TOP2B: variants seen among roughly 807,000 people sequenced by gnomAD.
The protein encoded by TOP2B is DNA topoisomerase II beta, also known as DNA topoisomerase 2-beta.
A neutral mutation model predicts 193.5 loss-of-function variants in TOP2B; 51 were observed. The ratio of observed to expected loss-of-function variants is 0.26; its 90% CI spans 0.21 to 0.33. The LOEUF (loss-of-function observed/expected upper bound fraction) is 0.33, where lower values mean the gene tolerates loss of function less well. Among genes scored for constraint, TOP2B ranks in the 10% least tolerant of loss-of-function variants. The pLI is 1.00. For synonymous variants in TOP2B, 634 were observed against 635.7 expected, an observed-to-expected ratio of 1.00 and a Z score of 0.04; for missense variants, 1,378 against 1,909.3, an observed-to-expected ratio of 0.72 and a Z score of 5.19.
rs1467517835 is a variant in TOP2B at position 25,623,521 on chromosome 3, A to T, written c.2721T>A (p.His907Gln). Reference sequence around the variant, plus strand: ...ATAAGTTCCAAATAATTACCATGGGATGAGGATCCAGGCCATCTAGCATTC... The same window carrying T: ...ATAAGTTCCAAATAATTACCATGGGTTGAGGATCCAGGCCATCTAGCATTC... ...VRRMLDGLDP[H>Q]PMLPNYKNFK... The change falls in exon 21 of 36, where the codon CAT (histidine) becomes CAA (glutamine). Residue 907 changes from histidine to glutamine, a missense_variant. Physicochemically the swap from His to Gln is conservative, Grantham distance 24. Coordinates refer to ENST00000264331, the MANE Select transcript of TOP2B (RefSeq NM_001330700.2). 6.2e-7 allele frequency: 1 copy of T among 1,613,094 alleles called. No homozygotes were observed. Among genetic ancestry groups the T allele is most frequent in the Non-Finnish European group, 8.5e-7 (1 of 1,179,236 alleles).
intron 10 of TOP2B, among the ~76,000 whole-genome samples, 194 bp from the exon 11 acceptor site, chr3:25,631,133 T>A (rs1322682241): frequency 6.6e-6 from 1 of 152,052 alleles, no homozygotes; most frequent in African/African-American, 2.4e-5. Context: ...AGCTAAAATA[T>A]AAATACATGA....
intron 25 of TOP2B, 85 bp downstream of exon 25, chr3:25,618,333 T>G: frequency 1.0e-6 from 1 of 957,958 alleles, no homozygotes; most frequent in Admixed American, 2.1e-5. Flanking sequence ...TAGTACTAAA[T>G]TTAAAATTTA....
At chr3:25,612,223 T>G (rs1289815661) in intron 28 of TOP2B, among the ~76,000 whole-genome samples, 3 of 152,168 alleles carry the variant, frequency 2.0e-5, no homozygotes, top group African/African-American at 7.2e-5. Context: ...ATTACAGGCG[T>G]GAGCCACCGT....
intron 19 of TOP2B, 97 bp downstream of exon 19, chr3:25,624,585 T>C: frequency 1.3e-6 from 2 of 1,545,168 alleles, no homozygotes; most frequent in Admixed American, 2.1e-5. Context: ...TTCTTTTACA[T>C]TTCCAAAGAC....
chr3:25,635,685 G>C (rs1703088007), intron 7 of TOP2B, among the ~76,000 whole-genome samples: 1 of 151,950 alleles, frequency 6.6e-6, no homozygotes. Context: ...GAATAAAATA[G>C]ACAAAGCATG....
At chr3:25,656,571 C>T (rs1027442720) in intron 1 of TOP2B, among the ~76,000 whole-genome samples, 23 of 151,986 alleles carry the variant, frequency 1.5e-4, no homozygotes, top group African/African-American at 5.1e-4. Context: ...TTTTATTGCT[C>T]TAGTTTTTAT....
intron 16 of TOP2B, 24 bp downstream of exon 16, chr3:25,627,163 C>T (rs1280603450): frequency 6.5e-7 from 1 of 1,542,502 alleles, no homozygotes; most frequent in Non-Finnish European, 8.9e-7. Flanking sequence ...CTAACAAAAG[C>T]TTTTAAAAAA....
chr3:25,604,722 C>T, intron 33 of TOP2B, 38 bp downstream of exon 33: 1 of 1,424,964 alleles, frequency 7.0e-7, no homozygotes, highest in Non-Finnish European at 9.8e-7. Context: ...TTAACTATCT[C>T]TATCCAATGC....
chr3:25,628,811 T>TCA, intron 15 of TOP2B, 36 bp downstream of exon 15: 1 of 1,228,884 alleles, frequency 8.1e-7, no homozygotes, highest in Non-Finnish European at 1.1e-6. Context: ...TACATTTATA[T>TCA]CAGTATTTAA....
chr3:25,643,288 C>A (rs1015944775), intron 3 of TOP2B, among the ~76,000 whole-genome samples: 1 of 152,162 alleles, frequency 6.6e-6, no homozygotes, highest in Non-Finnish European at 1.5e-5. Context: ...CACTTGGCTG[C>A]CCAACAGAAA....
chr3:25,609,657 G>T lies in TOP2B; in HGVS notation c.3842C>A (p.Ala1281Glu). ...CTCTTCTCCTGCACCTTCTACTGGT[G>T]CTCCACTGAATTCTTCATCAAATTC... ...KVEFDEEFSG[A>E]PVEGAGEEAL... Residue 1281 changes from alanine to glutamate, a missense_variant, in exon 29 of 36, where the codon GCA becomes GAA. Coordinates refer to ENST00000264331, the MANE Select transcript of TOP2B (RefSeq NM_001330700.2). 6.4e-7 allele frequency: 1 copy of T among 1,551,500 alleles called. No individual in the cohort carries two copies. Among genetic ancestry groups the T allele is most frequent in the African/African-American group, 1.4e-5 (1 of 72,564 alleles).
At position 25,646,914 on chromosome 3, in the gene TOP2B, A is replaced by C. The variant is rs144557014; in HGVS notation, c.70-1444T>G. Among the ~76,000 whole-genome samples, 872 of 152,266 alleles carry C rather than the reference A, an allele frequency of 5.7e-3. 9 individuals carry two copies. The highest frequency in any genetic ancestry group is 0.02 in the African/African-American group (843 of 41,558). On this transcript the variant is annotated intron_variant, in intron 1 of 35. Transcript: ENST00000264331. Reference sequence around the variant, plus strand: ...TATATACAATTAAAGATTTAATAATATTTCAAAATAAAAGTATTAAAAATA... The same window carrying C: ...TATATACAATTAAAGATTTAATAATCTTTCAAAATAAAAGTATTAAAAATA...
chr3:25,633,800 G>A (rs1414832743), intron 8 of TOP2B, 41 bp downstream of exon 8: 1 of 1,547,020 alleles, frequency 6.5e-7, no homozygotes, highest in Non-Finnish European at 8.8e-7. Flanking sequence ...TTGAAGTACT[G>A]TTCTACCACT....
intron 25 of TOP2B, 63 bp downstream of exon 25, chr3:25,618,355 T>G: frequency 8.0e-7 from 1 of 1,257,304 alleles, no homozygotes; most frequent in Non-Finnish European, 1.1e-6. Flanking sequence ...GGGTTGAATT[T>G]TTGTTTGTTT....
At chr3:25,663,431 G>C (rs1410457915) in intron 1 of TOP2B, among the ~76,000 whole-genome samples, 2 of 152,148 alleles carry the variant, frequency 1.3e-5, no homozygotes, top group African/African-American at 4.8e-5. Flanking sequence ...TGAAATGCCG[G>C]CGAATTATCG....
At chr3:25,649,245 T>C (rs1278363274) in intron 1 of TOP2B, among the ~76,000 whole-genome samples, 1 of 152,000 alleles carries the variant, frequency 6.6e-6, no homozygotes, top group Non-Finnish European at 1.5e-5. Context: ...TTAAAGAACT[T>C]ATGGGCCACT....
intron 4 of TOP2B, among the ~76,000 whole-genome samples, chr3:25,639,385 T>TG (rs5847367): frequency 0.35 from 53,883 of 152,002 alleles, 10,162 homozygotes; most frequent in African/African-American, 0.49. Context: ...CTCAGCTCAC[T>TG]CAACCTCTGC....
chr3:25,600,139 A>ATT (rs1559488997), intron 34 of TOP2B, among the ~76,000 whole-genome samples: 1 of 151,942 alleles, frequency 6.6e-6, no homozygotes, highest in Non-Finnish European at 1.5e-5. Flanking sequence ...CACATGCAGC[A>ATT]TTTTTTTTCA....
chr3:25,623,772 G>GA, intron 20 of TOP2B, 26 bp from the exon 21 acceptor site: 1 of 1,472,826 alleles, frequency 6.8e-7, no homozygotes, highest in Non-Finnish European at 9.3e-7. Flanking sequence ...AGAAGCAAAT[G>GA]AAAAAATGTC....
Sources: gnomAD v4.1 joint callset for allele counts (sites outside exome capture counted in the v4.1 genomes callset) on GRCh38, gnomAD v4.1.1 for gene constraint, MANE v1.5 for transcripts, NCBI Gene and HGNC (gene_info 2026-07-23, HGNC 2026-07-21) for gene names.